Variants in ICAM5 observed in about 807,000 individuals in gnomAD.
ICAM5 encodes ICAM-5.
ICAM5 carries 38 observed loss-of-function variants against 78.8 expected under a neutral mutation model. The observed-to-expected ratio is 0.48, with a 90% CI of 0.37 to 0.63. The LOEUF (loss-of-function observed/expected upper bound fraction) is 0.63. ICAM5 is among the 30% of genes least tolerant of loss of function. The pLI, the probability that ICAM5 is intolerant of heterozygous loss-of-function variation, is 0.00. For synonymous variants in ICAM5, 544 were observed against 590.9 expected (o/e 0.92, Z 1.15); for missense variants, 1,059 against 1,303.0 (o/e 0.81, Z 2.88).
intron 4 of ICAM5, 140 bp downstream of exon 4, chr19:10,292,462 C>T (rs1460126749): frequency 1.5e-6 from 2 of 1,365,680 alleles, no homozygotes; most frequent in Non-Finnish European, 2.0e-6. Context: ...GACGTAATCG[C>T]TGGGGAGGAG....
At chr19:10,295,277 G>GC (rs1296689728) in intron 9 of ICAM5, 69 bp from the exon 10 acceptor site, 2 of 1,432,322 alleles carry the variant, frequency 1.4e-6, no homozygotes, top group Non-Finnish European at 1.8e-6. Context: ...ATCGTTGTGG[G>GC]CCGGAGCAGG....
chr19:10,293,141 C>G lies in ICAM5; in HGVS notation c.1360C>G (p.Leu454Val). ...CTCCGACGGCGGGGCCGTGCTGGCTCTGGGCCTGCTGGGTCCAGTCACTCG... is the reference window on the plus strand; with the variant it reads ...CTCCGACGGCGGGGCCGTGCTGGCTGTGGGCCTGCTGGGTCCAGTCACTCG... ...ARSDGGAVLA[L>V]GLLGPVTRAL... Residue 454 changes from leucine to valine, a missense_variant, in exon 6 of 11, where the codon CTG becomes GTG. Physicochemically the swap from Leu to Val is conservative, Grantham distance 32. This residue lies in a region of ICAM5 where 815 missense variants were observed against 952.8 expected (regional missense o/e 0.86). Transcript: ENST00000221980. The surrounding 1 kb of genome is among the most constrained non-coding windows in gnomAD (Gnocchi z 5.0). The G allele has an allele frequency of 3.7e-6, 6 of 1,610,850 alleles. No homozygotes were observed. Among genetic ancestry groups the G allele is most frequent in the Non-Finnish European group, 4.2e-6 (5 of 1,178,848 alleles).
At position 10,296,378 on chromosome 19, in the gene ICAM5, G is replaced by C; in HGVS notation, c.2537G>C (p.Gly846Ala). ...GTCGCCGTGGGCGGCGCGGCGGGGG[G>C]CGCGGCGCTGCTGGCCGCGGGGGCC... ...LWVAVGGAAG[G>A]AALLAAGAGL... Residue 846 changes from glycine (G) to alanine (A), a missense_variant, in exon 11 of 11, where the codon GGC (glycine) becomes GCC (alanine). By Grantham distance (60) the Gly-to-Ala change is moderately conservative. Transcript: ENST00000221980. 7.9e-7 allele frequency: 1 copy of C among 1,257,954 alleles called. No individual in the cohort carries two copies. The allele number at this position is 1,257,954 out of a possible 1,614,324, so 77.9% of individuals were successfully genotyped here.
At chr19:10,291,986 A>T in intron 3 of ICAM5, 49 bp from the exon 4 acceptor site, 5 of 1,581,400 alleles carry the variant, frequency 3.2e-6, no homozygotes, top group Non-Finnish European at 4.3e-6. Flanking sequence ...AGTGCTTAGG[A>T]CATATTGAGC....
In ICAM5 at chr19:10,291,610, G is replaced by A. The variant is rs2040173070; in HGVS notation, c.474G>A (p.Leu158=). ...GTGCGAGCCTCACGCTGACCCTGCT[G>A]CGGGGCGCCCAGGAGCTGATCCGCC... is the stretch of plus-strand genomic sequence containing the variant. ...GPRASLTLTL[L]RGAQELIRRS... Residue 158 remains leucine (L), a synonymous_variant, in exon 3 of 11, where the codon CTG becomes CTA. Coordinates refer to ENST00000221980, the MANE Select transcript of ICAM5 (RefSeq NM_003259.4). 1 of 1,611,886 alleles carries A rather than the reference G, an allele frequency of 6.2e-7. No individual in the cohort carries two copies. The highest frequency in any genetic ancestry group is 1.1e-5 in the South Asian group (1 of 91,026).
At position 10,292,064 on chromosome 19, in the gene ICAM5, G is replaced by A; in HGVS notation, c.703G>A (p.Ala235Thr). The change falls in exon 4 of 11, where the codon GCT (alanine) becomes ACT (threonine). Residue 235 changes from alanine to threonine, a missense_variant. By Grantham distance (58) the Ala-to-Thr change is moderately conservative. Transcript: ENST00000221980. ...SLSPDAPRLA[A>T]PRLLEVGSER... is the part of the protein sequence containing the mutation. The stretch of plus-strand genomic sequence containing the variant: ...GTCTCCGGATGCCCCGCGCCTCGCT[G>A]CTCCCCGGCTCTTGGAAGTTGGCTC... The A allele has an allele frequency of 5.0e-6, 8 of 1,612,624 alleles. No individual in the cohort carries two copies. The highest frequency in any genetic ancestry group is 5.9e-6 in the Non-Finnish European group (7 of 1,179,402).
At chr19:10,295,942 A>G (rs183454203) in intron 10 of ICAM5, among the ~76,000 whole-genome samples, 2 of 151,920 alleles carry the variant, frequency 1.3e-5, no homozygotes, top group African/African-American at 4.8e-5. Context: ...TTGGGGAGGG[A>G]CCAAAGTCAT....
intron 4 of ICAM5, 111 bp downstream of exon 4, chr19:10,292,433 C>G: frequency 3.9e-6 from 5 of 1,270,770 alleles, no homozygotes; most frequent in Admixed American, 2.4e-5. Flanking sequence ...GCCCGAGGGG[C>G]GGGGCAGGTG....
Position 10,293,319 on chromosome 19 carries a change from TAGG to T in ICAM5, c.1465+76_1465+78del. 7 of 1,506,736 alleles carry T rather than the reference TAGG, an allele frequency of 4.6e-6. No individual in the cohort carries two copies. The South Asian group carries it at 9.2e-5, about 20-fold the overall frequency. The allele number at this position is 1,506,736 out of a possible 1,614,324, so 93.3% of individuals were successfully genotyped here. ...AGGGTGGCCAGCCTCCAGGGAAGAG[TAGG>T]AGTAGGGTATGAGGTGTCCCTTTGG... On this transcript the variant is annotated intron_variant, in intron 6 of 10. Transcript: ENST00000221980. The surrounding 1 kb of genome is among the most constrained non-coding windows in gnomAD (Gnocchi z 5.0).
Position 10,293,764 on chromosome 19 carries a change from C to T in ICAM5, c.1532C>T (p.Ser511Leu). Residue 511 changes from serine to leucine, a missense_variant, in exon 7 of 11, where the codon TCG becomes TTG. Transcript: ENST00000221980. This position sits in a 1 kb window ranked among gnomAD's most constrained non-coding sequence, Gnocchi z 5.0. ...RITWLEGTEA[S>L]LSCVAHGVPP... Reference sequence around the variant, plus strand: ...ACTTGGCTGGAGGGAACAGAAGCCTCGCTGAGCTGTGTGGCGCACGGGGTA... The same window carrying T: ...ACTTGGCTGGAGGGAACAGAAGCCTTGCTGAGCTGTGTGGCGCACGGGGTA... The T allele has an allele frequency of 2.5e-6, 4 of 1,613,974 alleles. No individual in the cohort carries two copies. Among genetic ancestry groups the T allele is most frequent in the Non-Finnish European group, 3.4e-6 (4 of 1,180,028 alleles).
Position 10,293,525 on chromosome 19 carries a change from C to G in ICAM5, c.1466-173C>G, listed in dbSNP as rs951371220. Among the ~76,000 whole-genome samples the G allele has an allele frequency of 3.5e-4, 53 of 152,248 alleles. No individual in the cohort carries two copies. Among genetic ancestry groups the G allele is most frequent in the African/African-American group, 1.2e-3 (51 of 41,548 alleles). ...GACGAAAAAGGCGCCACTGGTGGCT[C>G]AGGAAGCTCCCAGACAGAGTGCATG... On this transcript the variant is annotated intron_variant, in intron 6 of 10. Coordinates refer to ENST00000221980, the MANE Select transcript of ICAM5 (RefSeq NM_003259.4). This position sits in a 1 kb window ranked among gnomAD's most constrained non-coding sequence, Gnocchi z 5.0.
Position 10,293,238 on chromosome 19 carries a change from C to A in ICAM5, c.1457C>A (p.Thr486Lys), listed in dbSNP as rs766939276. ...QGEAVKDVTL[T>K]VEYAPALDSV... is the part of the protein sequence containing the mutation. ...GAGGCGGTCAAGGACGTAACGCTAA[C>A]GGTGGAGTGTGAGTGGGGGTGCGCA... The change falls in exon 6 of 11, where the codon ACG (threonine) becomes AAG (lysine). Residue 486 changes from threonine (T) to lysine (K), a missense_variant. Physicochemically the swap from Thr to Lys is moderately conservative, Grantham distance 78 (BLOSUM62 -1). This residue lies in a region of ICAM5 where 815 missense variants were observed against 952.8 expected (regional missense o/e 0.86). Coordinates refer to ENST00000221980, the MANE Select transcript of ICAM5 (RefSeq NM_003259.4). This position sits in a 1 kb window ranked among gnomAD's most constrained non-coding sequence, Gnocchi z 5.0. 3 of 1,581,428 alleles carry A rather than the reference C, an allele frequency of 1.9e-6. No individual in the cohort carries two copies. Among genetic ancestry groups the A allele is most frequent in the Non-Finnish European group, 2.6e-6 (3 of 1,163,876 alleles).
Position 10,294,030 on chromosome 19 carries a change from TG to T in ICAM5, c.1712-9del. 6.3e-7 allele frequency: 1 copy of T among 1,582,806 alleles called. No individual in the cohort carries two copies. The highest frequency in any genetic ancestry group is 1.2e-5 in the South Asian group (1 of 86,664). On this transcript the variant is annotated splice_polypyrimidine_tract_variant and intron_variant, in intron 7 of 10. Coordinates refer to ENST00000221980, the MANE Select transcript of ICAM5 (RefSeq NM_003259.4). This position sits in a 1 kb window ranked among gnomAD's most constrained non-coding sequence, Gnocchi z 7.7. The stretch of plus-strand genomic sequence containing the variant: ...GCCCCCGTGTGAGCCCCTGCAATCC[TG>T]TTTCCCAGATGGCCCCAGGTTTGAG...
At chr19:10,295,186 C>T (rs2040209989) in intron 9 of ICAM5, among the ~76,000 whole-genome samples, 160 bp from the exon 10 acceptor site, 1 of 152,186 alleles carries the variant, frequency 6.6e-6, no homozygotes, top group Admixed American at 6.6e-5. Flanking sequence ...GCCGCAACAG[C>T]AGCCTGATTG....
Position 10,294,300 on chromosome 19 carries a change from G to A in ICAM5, c.1972G>A (p.Val658Ile), listed in dbSNP as rs2040202410. 1.2e-6 allele frequency: 2 copies of A among 1,613,130 alleles called. No individual in the cohort carries two copies. The highest frequency in any genetic ancestry group is 8.5e-7 in the Non-Finnish European group (1 of 1,179,798). ...TNRHGSVAKT[V>I]VVSAESPPEM... Reference sequence around the variant, plus strand: ...CCGCCACGGCTCCGTGGCCAAAACAGTCGTCGTGAGCGCGGAGTGTGAGCG... The same window carrying A: ...CCGCCACGGCTCCGTGGCCAAAACAATCGTCGTGAGCGCGGAGTGTGAGCG... The change falls in exon 8 of 11, where the codon GTC becomes ATC. Residue 658 changes from valine to isoleucine, a missense_variant. By Grantham distance (29) the Val-to-Ile change is conservative. Around this residue, in one of 3 missense-constraint regions of ICAM5, gnomAD observed 815 missense variants for 952.8 expected, o/e 0.86. Coordinates refer to ENST00000221980, the MANE Select transcript of ICAM5 (RefSeq NM_003259.4). This position sits in a 1 kb window ranked among gnomAD's most constrained non-coding sequence, Gnocchi z 7.7.
rs370603381 is a variant in ICAM5 at position 10,293,717 on chromosome 19, C to A, written c.1485C>A (p.Ser495Arg). 27 of 1,613,664 alleles carry A rather than the reference C, an allele frequency of 1.7e-5. No individual in the cohort carries two copies. The stretch of plus-strand genomic sequence containing the variant: ...CTCCAGACGCACCAGCGCTGGACAG[C>A]GTGGGCTGCCCAGAACGCATTACTT... ...LTVEYAPALD[S>R]VGCPERITWL... Residue 495 changes from serine to arginine, a missense_variant, in exon 7 of 11, where the codon AGC (serine) becomes AGA (arginine). By Grantham distance (110) the Ser-to-Arg change is moderately radical. Coordinates refer to ENST00000221980, the MANE Select transcript of ICAM5 (RefSeq NM_003259.4). This position sits in a 1 kb window ranked among gnomAD's most constrained non-coding sequence, Gnocchi z 5.0.
chr19:10,295,739 G>C, intron 10 of ICAM5, 127 bp downstream of exon 10: 2 of 1,121,832 alleles, frequency 1.8e-6, no homozygotes, highest in Non-Finnish European at 2.5e-6. Context: ...GGACAGAGTA[G>C]AAGTCAAAGG....
intron 9 of ICAM5, 63 bp from the exon 10 acceptor site, chr19:10,295,283 G>T (rs1471969661): frequency 6.9e-7 from 1 of 1,447,514 alleles, no homozygotes; most frequent in East Asian, 2.5e-5. Context: ...GTGGGCCGGA[G>T]CAGGGCATTT....
Position 10,294,169 on chromosome 19 carries a change from C to A in ICAM5, c.1841C>A (p.Ala614Asp), listed in dbSNP as rs971109010. 3.1e-6 allele frequency: 5 copies of A among 1,613,294 alleles called. No homozygotes were observed. The African/African-American group carries it at 6.7e-5, about 22-fold the overall frequency. ...GTGAAGTGCGTGGGCTCCGGGGGCG[C>A]CACTGAGGGGGTGCTGCTGCCGCTG... ...PSVKCVGSGG[A>D]TEGVLLPLAP... Residue 614 changes from alanine to aspartate, a missense_variant, in exon 8 of 11, where the codon GCC becomes GAC. Around this residue, in one of 3 missense-constraint regions of ICAM5, gnomAD observed 815 missense variants for 952.8 expected, o/e 0.86. Coordinates refer to ENST00000221980, the MANE Select transcript of ICAM5 (RefSeq NM_003259.4). This position sits in a 1 kb window ranked among gnomAD's most constrained non-coding sequence, Gnocchi z 7.7.
Sources: gnomAD v4.1 joint callset for allele counts (sites outside exome capture counted in the v4.1 genomes callset) on GRCh38, gnomAD v4.1.1 for gene constraint, gnomAD v4.1.1 regional missense constraint, Gnocchi (gnomAD v3.1) non-coding constraint, MANE v1.5 for transcripts, NCBI Gene and HGNC (gene_info 2026-07-23, HGNC 2026-07-21) for gene names.